The following MPP7 variants were observed in gnomAD, a reference collection of about 807,000 sequenced individuals.
MPP7 encodes the protein MAGUK p55 subfamily member 7.
MPP7 carries 60 observed loss-of-function variants against 76.5 expected under a neutral mutation model. That is an observed-to-expected ratio of 0.78 (90% confidence interval 0.64 to 0.97). MPP7 has a LOEUF of 0.97. Among genes scored for constraint, MPP7 ranks in the 50% least tolerant of loss-of-function variants. MPP7 has a pLI of 0.00. For synonymous variants in MPP7, 237 were observed against 244.5 expected (o/e 0.97, Z 0.29); for missense variants, 641 against 694.0 (o/e 0.92, Z 0.86).
At chr10:28,200,118 A>G (rs1433735771) in intron 3 of MPP7, among the ~76,000 whole-genome samples, 1 of 152,166 alleles carries the variant, frequency 6.6e-6, no homozygotes, top group Non-Finnish European at 1.5e-5. Context: ...CTATCCTCCA[A>G]GCTTAAATAG....
At chr10:28,307,576 C>T (rs566403270), upstream of MPP7, 7 of 152,194 alleles carry the variant, frequency 4.6e-5, no homozygotes, top group Admixed American at 6.5e-5. Context: ...GGACATCTGT[C>T]CCCACCCCTG....
chr10:28,095,403 A>G (rs535642232), intron 11 of MPP7, among the ~76,000 whole-genome samples: 2 of 152,078 alleles, frequency 1.3e-5, no homozygotes, highest in Admixed American at 1.3e-4. Context: ...CATACTCCTA[A>G]CGGCAATTTT....
At position 28,092,885 on chromosome 10, in the gene MPP7, C is replaced by G. The variant is rs548708123; in HGVS notation, c.953-3044G>C. ...ATGAGACACTGAACCCAGCCACCTT[C>G]CTATCACAGACATAACACACTACAC... On this transcript the variant is annotated intron_variant, in intron 11 of 16. Transcript: ENST00000683449. Among the ~76,000 whole-genome samples the G allele has an allele frequency of 2.0e-5, 3 of 151,872 alleles. No individual in the cohort carries two copies. In the South Asian group the frequency reaches 6.2e-4, roughly 32 times the overall value.
intron 2 of MPP7, among the ~76,000 whole-genome samples, chr10:28,204,186 T>C (rs565287354): frequency 1.3e-5 from 2 of 152,210 alleles, no homozygotes; most frequent in Non-Finnish European, 2.9e-5. Flanking sequence ...CTCACGCCCA[T>C]AATCCCAGCA....
In MPP7 at chr10:28,262,229, A is replaced by ATATATATATATG. The variant is rs1839996245; in HGVS notation, c.-131-23495_-131-23494insCATATATATATA. ...TATACATATATATATATATATACAT[A>ATATATATATATG]TATATATATATATACATATATATAT... is the stretch of plus-strand genomic sequence containing the variant. On this transcript the variant is annotated intron_variant, in intron 1 of 16. Transcript: ENST00000683449. 8.0e-4 allele frequency among the ~76,000 whole-genome samples: 41 copies of ATATATATATATG among 51,160 alleles called. No individual in the cohort carries two copies. The East Asian group carries it at 0.011, about 13-fold the overall frequency. The allele number at this position is 51,160 out of a possible 152,430, so 33.6% of individuals were successfully genotyped here. A position where few individuals can be genotyped will look rare whatever the true frequency, so the allele number is the denominator to read the frequency against.
intron 2 of MPP7, among the ~76,000 whole-genome samples, chr10:28,326,048 C>T (rs767133742): frequency 4.6e-5 from 7 of 151,132 alleles, no homozygotes; most frequent in Non-Finnish European, 8.8e-5. Context: ...CTTTATAGGA[C>T]ACGGCATAGC....
At chr10:28,298,259 T>C (rs1488027739) in intron 1 of MPP7, among the ~76,000 whole-genome samples, 3 of 152,232 alleles carry the variant, frequency 2.0e-5, no homozygotes, top group Non-Finnish European at 2.9e-5. Context: ...GAACAATCAC[T>C]ATCTATGGCA....
At chr10:28,332,905 C>T (rs1049696584) in intron 1 of MPP7, among the ~76,000 whole-genome samples, 2 of 152,070 alleles carry the variant, frequency 1.3e-5, no homozygotes, top group Middle Eastern at 3.2e-3. Context: ...TCAAGCAATC[C>T]TCCCACCCCA....
intron 2 of MPP7, among the ~76,000 whole-genome samples, chr10:28,319,744 C>T (rs867518223): frequency 5.3e-5 from 8 of 151,974 alleles, no homozygotes; most frequent in Non-Finnish European, 2.9e-5. Context: ...GGGAGGCCAA[C>T]GCAGGTGGAT....
At chr10:28,060,240 C>G (rs1235810823) in intron 13 of MPP7, among the ~76,000 whole-genome samples, 1 of 152,024 alleles carries the variant, frequency 6.6e-6, no homozygotes, top group African/African-American at 2.4e-5. Flanking sequence ...CTTCTGTGTG[C>G]TACTCATTCC....
rs1316739937 is a variant in MPP7, at chr10:28,332,877, G to A, written c.-206+1541C>T. On this transcript the variant is annotated intron_variant, in intron 1 of 11. Transcript: ENST00000441595. ...AGAGTCTCACTATGTTGCCCAAGCT[G>A]GTCACAAACTCCCAACCTCAAGCAA... Among the ~76,000 whole-genome samples the A allele has an allele frequency of 2.6e-5, 4 of 151,706 alleles. No homozygotes were observed. The East Asian group carries it at 7.8e-4, about 29-fold the overall frequency.
chr10:28,096,064 C>G (rs1008285572), intron 11 of MPP7, among the ~76,000 whole-genome samples: 15 of 152,150 alleles, frequency 9.9e-5, no homozygotes, highest in African/African-American at 3.6e-4. Flanking sequence ...GTTCATTTAT[C>G]ATTTAATTTA....
intron 12 of MPP7, among the ~76,000 whole-genome samples, chr10:28,085,221 T>C (rs1288016467): frequency 6.6e-6 from 1 of 152,208 alleles, no homozygotes; most frequent in Non-Finnish European, 1.5e-5. Flanking sequence ...GAATCGGTTC[T>C]GTAACTTAAT....
At chr10:28,270,532 A>AG (rs71391026) in intron 1 of MPP7, among the ~76,000 whole-genome samples, 3,923 of 15,304 alleles carry the variant, frequency 0.26, 458 homozygotes, top group Non-Finnish European at 0.35. Flanking sequence ...AAAAAAAAAA[A>AG]GGGGGGGGGG....
At chr10:28,248,652 T>C (rs1193069955) in intron 1 of MPP7, among the ~76,000 whole-genome samples, 2 of 152,232 alleles carry the variant, frequency 1.3e-5, no homozygotes, top group East Asian at 3.9e-4. Context: ...CATAATGATG[T>C]TTCTGTCAAT....
intron 2 of MPP7, among the ~76,000 whole-genome samples, chr10:28,222,775 C>G (rs987898697): frequency 2.7e-5 from 4 of 149,776 alleles, no homozygotes; most frequent in Non-Finnish European, 4.4e-5. Context: ...TGGCATGAAC[C>G]CAGGAGGCAG....
chr10:28,136,382 T>C (rs1835355315), intron 5 of MPP7, among the ~76,000 whole-genome samples: 2 of 151,656 alleles, frequency 1.3e-5, no homozygotes, highest in South Asian at 4.2e-4. Context: ...ATACCCAGCA[T>C]CCAACAAGAT....
intron 1 of MPP7, among the ~76,000 whole-genome samples, chr10:28,274,514 AAT>A (rs1286519988): frequency 2.0e-5 from 3 of 152,222 alleles, no homozygotes; most frequent in Non-Finnish European, 4.4e-5. Flanking sequence ...CAAAATAAAT[AAT>A]ATAGTTTCAC....
chr10:28,136,699 A>C (rs912839881), intron 5 of MPP7, among the ~76,000 whole-genome samples: 9 of 152,186 alleles, frequency 5.9e-5, no homozygotes, highest in African/African-American at 2.2e-4. Context: ...AGATATGGAA[A>C]GTATGAAATA....
Sources: allele counts gnomAD v4.1 joint callset (sites outside exome capture counted in the v4.1 genomes callset), GRCh38; gene constraint gnomAD v4.1.1; transcripts MANE v1.5; gene names NCBI Gene and HGNC (gene_info 2026-07-23, HGNC 2026-07-21).